The following N4BP1 variants were observed in gnomAD, a reference collection of about 807,000 sequenced individuals.
The protein encoded by N4BP1 is NEDD4-binding protein 1.
In N4BP1, 21 loss-of-function variants were observed where a neutral mutation model predicts 70.9. That is an observed-to-expected ratio of 0.30 (90% CI 0.21 to 0.43). N4BP1 has a LOEUF of 0.43. Ranked by LOEUF, N4BP1 falls within the 20% of genes least tolerant of loss-of-function variation. The pLI is 1.00. For synonymous variants in N4BP1, 387 were observed against 394.6 expected (o/e 0.98, Z 0.23); for missense variants, 936 against 1,069.4 (o/e 0.88, Z 1.74).
Position 48,609,949 on chromosome 16 carries a change from G to T in N4BP1, c.24C>A (p.Asp8Glu). ...CCTTCTCAGCTGGCGCAGTGAACTC[G>T]TCCAGCACCGCCCGGGCCGCCATGG... MAARAVLDEFTAPAEKAE... is the reference protein window; with the variant it reads MAARAVLEEFTAPAEKAE... The change falls in exon 1 of 7, where the codon GAC becomes GAA. Residue 8 changes from aspartate to glutamate, a missense_variant. Asp to Glu is a conservative substitution (Grantham distance 45, BLOSUM62 2). Coordinates refer to ENST00000262384, the MANE Select transcript of N4BP1 (RefSeq NM_153029.4). 7.7e-7 allele frequency: 1 copy of T among 1,294,462 alleles called. No homozygotes were observed. Among genetic ancestry groups the T allele is most frequent in the South Asian group, 2.3e-5 (1 of 42,578 alleles). The allele number at this position is 1,294,462 out of a possible 1,614,324, so 80.2% of individuals were successfully genotyped here.
intron 1 of N4BP1, among the ~76,000 whole-genome samples, chr16:48,585,353 T>C (rs1296567485): frequency 1.3e-5 from 2 of 151,910 alleles, no homozygotes; most frequent in African/African-American, 4.8e-5. Flanking sequence ...AATATAAAAT[T>C]TGGCCCAGTG....
chr16:48,569,636 TCCA>T (rs1963988070), intron 1 of N4BP1, among the ~76,000 whole-genome samples: 1 of 152,184 alleles, frequency 6.6e-6, no homozygotes, highest in Non-Finnish European at 1.5e-5. Context: ...GCTCAAGCAA[TCCA>T]CCTGCCTTGG....
intron 4 of N4BP1, among the ~76,000 whole-genome samples, chr16:48,550,061 A>T (rs1208527479): frequency 6.6e-6 from 1 of 152,200 alleles, no homozygotes; most frequent in Non-Finnish European, 1.5e-5. Context: ...TAAGTTTAGA[A>T]CCTTCTCTTA....
chr16:48,555,014 T>C (rs1190554410), intron 2 of N4BP1, among the ~76,000 whole-genome samples: 1 of 152,230 alleles, frequency 6.6e-6, no homozygotes, highest in East Asian at 1.9e-4. Context: ...GGTCTTGCTA[T>C]CTCACCCCTC....
intron 1 of N4BP1, among the ~76,000 whole-genome samples, chr16:48,595,470 A>AAAAG: frequency 6.6e-6 from 1 of 151,438 alleles, no homozygotes; most frequent in Non-Finnish European, 1.5e-5. Flanking sequence ...AAAAAAAAAA[A>AAAAG]AAAAAAAAAG....
chr16:48,584,724 C>A (rs1218494015), intron 1 of N4BP1, among the ~76,000 whole-genome samples: 1 of 151,884 alleles, frequency 6.6e-6, no homozygotes, highest in African/African-American at 2.4e-5. Context: ...CAGCTAATAA[C>A]ACACTGCGAG....
intron 1 of N4BP1, among the ~76,000 whole-genome samples, chr16:48,588,139 T>C (rs774453857): frequency 1.4e-4 from 22 of 152,176 alleles, no homozygotes; most frequent in Admixed American, 3.3e-4. Context: ...CATCTTACCA[T>C]CACCCAAATA....
intron 1 of N4BP1, among the ~76,000 whole-genome samples, chr16:48,588,833 T>C (rs1367663982): frequency 6.6e-6 from 1 of 152,132 alleles, no homozygotes; most frequent in African/African-American, 2.4e-5. Context: ...CCATTTTGTA[T>C]ATACAACCCC....
intron 1 of N4BP1, among the ~76,000 whole-genome samples, chr16:48,602,494 A>T (rs1327413688): frequency 1.3e-5 from 2 of 152,158 alleles, no homozygotes; most frequent in Admixed American, 1.3e-4. Context: ...CCCCAGCATA[A>T]GCAATACCAG....
intron 6 of N4BP1, among the ~76,000 whole-genome samples, chr16:48,544,883 C>G (rs1311969947): frequency 6.6e-6 from 1 of 152,160 alleles, no homozygotes; most frequent in African/African-American, 2.4e-5. Flanking sequence ...ACTCGTGATT[C>G]AGAGGGAGAG....
At chr16:48,583,003 T>G (rs939698044) in intron 1 of N4BP1, among the ~76,000 whole-genome samples, 1 of 152,204 alleles carries the variant, frequency 6.6e-6, no homozygotes, top group Non-Finnish European at 1.5e-5. Context: ...GGGGAACTGC[T>G]TGAGCCCAGT....
intron 6 of N4BP1, among the ~76,000 whole-genome samples, chr16:48,545,228 G>A (rs546737933): frequency 6.6e-6 from 1 of 151,416 alleles, no homozygotes; most frequent in Non-Finnish European, 1.5e-5. Flanking sequence ...GCCTCACAAA[G>A]TGCTGGGATT....
At chr16:48,552,890 G>A (rs1963696361) in intron 3 of N4BP1, among the ~76,000 whole-genome samples, 1 of 151,952 alleles carries the variant, frequency 6.6e-6, no homozygotes, top group East Asian at 1.9e-4. Context: ...TGCCCCACTA[G>A]TGACTAAACT....
At chr16:48,604,883 T>C (rs983240167) in intron 1 of N4BP1, among the ~76,000 whole-genome samples, 4 of 152,218 alleles carry the variant, frequency 2.6e-5, no homozygotes, top group Middle Eastern at 3.2e-3. Context: ...ACTAATGCGA[T>C]ACGCATGGGA....
chr16:48,560,962 G>C lies in N4BP1; in HGVS notation c.1681C>G (p.Leu561Val). ...SPHSKPNCST[L>V]SPPMPLPQLL... Reference sequence around the variant, plus strand: ...TGGGGCAGTGGCATTGGTGGAGAAAGGGTTGAGCAATTTGGCTTAGAATGA... The same window carrying C: ...TGGGGCAGTGGCATTGGTGGAGAAACGGTTGAGCAATTTGGCTTAGAATGA... Residue 561 changes from leucine (L) to valine (V), a missense_variant, in exon 2 of 7, where the codon CTT becomes GTT. Around this residue, in one of 4 missense-constraint regions of N4BP1, gnomAD observed 515 missense variants for 491.7 expected, o/e 1.05. Transcript: ENST00000262384. The C allele has an allele frequency of 6.2e-7, 1 of 1,614,028 alleles. No homozygotes were observed. Among genetic ancestry groups the C allele is most frequent in the South Asian group, 1.1e-5 (1 of 91,084 alleles).
chr16:48,581,800 A>C (rs921359812), intron 1 of N4BP1, among the ~76,000 whole-genome samples: 3 of 152,204 alleles, frequency 2.0e-5, no homozygotes, highest in Admixed American at 6.5e-5. Context: ...TACAATAATC[A>C]ACTAAAGATG....
chr16:48,599,183 G>A (rs1041376496), intron 1 of N4BP1, among the ~76,000 whole-genome samples: 3 of 152,002 alleles, frequency 2.0e-5, no homozygotes, highest in Non-Finnish European at 4.4e-5. Flanking sequence ...GTAACACCTC[G>A]ATTCCCACTG....
rs376326345 is a variant in N4BP1, at chr16:48,546,236, G to T, written c.2244C>A (p.Phe748Leu). The T allele has an allele frequency of 6.2e-7, 1 of 1,611,076 alleles. No homozygotes were observed. Among genetic ancestry groups the T allele is most frequent in the Non-Finnish European group, 8.5e-7 (1 of 1,178,754 alleles). Residue 748 changes from phenylalanine (F) to leucine (L), a missense_variant, in exon 6 of 7, where the codon TTC (phenylalanine) becomes TTA (leucine). This residue lies in a region of N4BP1 where 229 missense variants were observed against 343.5 expected (regional missense o/e 0.67). Coordinates refer to ENST00000262384, the MANE Select transcript of N4BP1 (RefSeq NM_153029.4). Reference sequence around the variant, plus strand: ...CGGGAACCATAAATATGTCCCCCACGAACGTGTACTGCAGCAGCCTACAAC... The same window carrying T: ...CGGGAACCATAAATATGTCCCCCACTAACGTGTACTGCAGCAGCCTACAAC... ...IITKRLLQYT[F>L]VGDIFMVPDD...
intron 1 of N4BP1, among the ~76,000 whole-genome samples, chr16:48,594,761 T>C (rs1436738498): frequency 6.6e-6 from 1 of 152,232 alleles, no homozygotes; most frequent in African/African-American, 2.4e-5. Context: ...TGTTACAAAA[T>C]TGTATGAGAT....
Sources: allele counts gnomAD v4.1 joint callset (sites outside exome capture counted in the v4.1 genomes callset), GRCh38; gene constraint gnomAD v4.1.1; regional missense constraint gnomAD v4.1.1; transcripts MANE v1.5; gene names NCBI Gene and HGNC (gene_info 2026-07-23, HGNC 2026-07-21).